Variants in TMEM175 observed in about 807,000 individuals in gnomAD.
TMEM175 encodes the protein endosomal/lysosomal proton channel TMEM175.
Under a neutral mutation model 36.5 loss-of-function variants are expected in TMEM175, and 36 were observed. That is an observed-to-expected ratio of 0.99 (90% CI 0.76 to 1.30). The LOEUF (loss-of-function observed/expected upper bound fraction) is 1.30. TMEM175 is among the 50% of genes most tolerant of loss of function. The pLI is 0.00. For missense variants in TMEM175, 705 were observed against 692.8 expected, an observed-to-expected ratio of 1.02 and a Z score of -0.20; for synonymous variants, 339 against 313.4, an observed-to-expected ratio of 1.08 and a Z score of -0.86.
In TMEM175 at chr4:957,523, G is replaced by A. The variant is rs548848045; in HGVS notation, c.843-301G>A. On this transcript the variant is annotated intron_variant, in intron 10 of 10. Transcript: ENST00000264771. ...TGCCCAGCAAACACAGGAGAGCCTC[G>A]GCCAGAGAGGGCTGCAGCCCAGGGC... Among the ~76,000 whole-genome samples the A allele has an allele frequency of 2.9e-3, 447 of 152,352 alleles. 2 individuals carry two copies. The highest frequency in any genetic ancestry group is 5.0e-3 in the Non-Finnish European group (339 of 68,034).
intron 1 of TMEM175, among the ~76,000 whole-genome samples, chr4:944,023 T>G (rs1432803701): frequency 6.6e-6 from 1 of 152,210 alleles, no homozygotes; most frequent in Admixed American, 6.5e-5. Flanking sequence ...CTGGGTGCAG[T>G]GGCTCACGCA....
intron 1 of TMEM175, among the ~76,000 whole-genome samples, chr4:938,960 G>T (rs1307184794): frequency 6.6e-6 from 1 of 152,216 alleles, no homozygotes; most frequent in African/African-American, 2.4e-5. Flanking sequence ...ACAAAATTGT[G>T]TGATTTACAT....
At chr4:954,525 G>A (rs893432948) in intron 8 of TMEM175, among the ~76,000 whole-genome samples, 3 of 152,098 alleles carry the variant, frequency 2.0e-5, no homozygotes, top group African/African-American at 4.8e-5. Context: ...TGTAGCTGCC[G>A]TGAGTGGCGC....
At position 955,882 on chromosome 4, in the gene TMEM175, G is replaced by A. The variant is rs1334830905; in HGVS notation, c.834G>A (p.Leu278=). The A allele has an allele frequency of 7.4e-6, 12 of 1,613,620 alleles. No homozygotes were observed. Among genetic ancestry groups the A allele is most frequent in the Non-Finnish European group, 1.0e-5 (12 of 1,179,650 alleles). The change falls in exon 10 of 11, where the codon CTG becomes CTA. Residue 278 remains leucine (L), a synonymous_variant. Transcript: ENST00000264771. The part of the protein sequence containing the change: ...VYAIVATLLI[L]DICEDNVPDP... ...CCATCGTGGCCACGCTTCTCATCCT[G>A]GACATCTGGTGAGGACCCCGCGTCA...
intron 7 of TMEM175, 131 bp downstream of exon 7, chr4:952,581 G>GTGTA: frequency 1.1e-6 from 1 of 878,490 alleles, no homozygotes; most frequent in Non-Finnish European, 1.8e-6. Flanking sequence ...GTGTGTGTGT[G>GTGTA]TGTGTGTGTG....
At chr4:942,350 C>T (rs143137502) in intron 1 of TMEM175, among the ~76,000 whole-genome samples, 330 of 152,294 alleles carry the variant, frequency 2.2e-3, no homozygotes, top group African/African-American at 7.7e-3. Context: ...TGGGCATGAG[C>T]CACCATGCCC....
intron 9 of TMEM175, 84 bp downstream of exon 9, chr4:955,567 T>C (rs1729507142): frequency 6.7e-7 from 1 of 1,500,674 alleles, no homozygotes; most frequent in African/African-American, 1.4e-5. Flanking sequence ...GGGCTGTCCG[T>C]GGGCCGAGGC....
chr4:939,710 C>T (rs192446543), intron 1 of TMEM175, among the ~76,000 whole-genome samples: 79 of 151,946 alleles, frequency 5.2e-4, no homozygotes, highest in African/African-American at 1.4e-3. Context: ...AGTGAGACTC[C>T]GCCTCAAAAA....
Position 958,475 on chromosome 4 carries a change from G to C in TMEM175, c.1494G>C (p.Gln498His). The C allele has an allele frequency of 6.4e-7, 1 of 1,554,724 alleles. No individual in the cohort carries two copies. Among genetic ancestry groups the C allele is most frequent in the East Asian group, 2.3e-5 (1 of 42,898 alleles). Reference protein sequence around the residue: ...APTGQDDPQSQLLPAPC With the variant: ...APTGQDDPQSHLLPAPC ...CGGGCCAGGACGACCCACAGTCCCA[G>C]CTCCTCCCTGCCCCCTGCTAGCAGC... is the stretch of plus-strand genomic sequence containing the variant. Residue 498 changes from glutamine to histidine, a missense_variant, in exon 11 of 11, where the codon CAG becomes CAC. Transcript: ENST00000264771.
At chr4:942,166 C>A (rs995257505) in intron 1 of TMEM175, among the ~76,000 whole-genome samples, 1 of 151,768 alleles carries the variant, frequency 6.6e-6, no homozygotes, top group Non-Finnish European at 1.5e-5. Context: ...TCAAGCGATT[C>A]TCCTGCCTCA....
chr4:948,753 G>T (rs1311355658), intron 3 of TMEM175: 8 of 1,014,538 alleles, frequency 7.9e-6, no homozygotes, highest in East Asian at 6.1e-5. Flanking sequence ...CTCATGACAG[G>T]GTCGTGCGGC....
In TMEM175 at chr4:958,352, C is replaced by T. The variant is rs773278796; in HGVS notation, c.1371C>T (p.Cys457=). ...IFHLMQIAVP[C]AFLLLRLLVG... ...ACCTCATGCAGATCGCCGTGCCCTG[C>T]GCCTTCCTGTTGCTGCGCCTGCTCG... The change falls in exon 11 of 11, where the codon TGC becomes TGT. Residue 457 remains cysteine (C), a synonymous_variant. Coordinates refer to ENST00000264771, the MANE Select transcript of TMEM175 (RefSeq NM_032326.4). 1.7e-5 allele frequency: 28 copies of T among 1,603,814 alleles called. No homozygotes were observed. The highest frequency in any genetic ancestry group is 1.3e-4 in the East Asian group (6 of 44,878).
chr4:957,914 G>A lies in TMEM175; in HGVS notation c.933G>A (p.Leu311=), dbSNP rs1371575391. 4 of 1,612,766 alleles carry A rather than the reference G, an allele frequency of 2.5e-6. No individual in the cohort carries two copies. The highest frequency in any genetic ancestry group is 3.4e-6 in the Non-Finnish European group (4 of 1,179,982). The change falls in exon 11 of 11, where the codon CTG becomes CTA. Residue 311 remains leucine (L), a synonymous_variant. Transcript: ENST00000264771. Reference sequence around the variant, plus strand: ...TGAGTGCGACCGGGCCGCGCTTCCTGGCGTACTTCGGCTCCTTCGCCACAG... The same window carrying A: ...TGAGTGCGACCGGGCCGCGCTTCCTAGCGTACTTCGGCTCCTTCGCCACAG... ...AALSATGPRF[L]AYFGSFATVG...
intron 5 of TMEM175, 74 bp from the exon 6 acceptor site, chr4:951,608 G>C: frequency 6.2e-7 from 1 of 1,601,848 alleles, no homozygotes; most frequent in African/African-American, 1.3e-5. Context: ...GTGCCTTCCC[G>C]GAGTGGGCTC....
chr4:952,412 TTGTTC>T lies in TMEM175; in HGVS notation c.428_432del (p.Phe143CysfsTer107), dbSNP rs1560492356. On this transcript the variant is annotated frameshift_variant, in exon 7 of 11. Transcript: ENST00000264771. LOFTEE classifies it high-confidence loss of function. The stretch of plus-strand genomic sequence containing the variant: ...CCCTGATGTGCCTCTGGGCATCTTC[TTGTTC>T]TGTGTGTGTGTGATCGCCATTGGGG... The T allele has an allele frequency of 6.2e-7, 1 of 1,611,692 alleles. No individual in the cohort carries two copies.
chr4:953,859 T>C (rs1377744097), intron 8 of TMEM175, among the ~76,000 whole-genome samples: 1 of 152,140 alleles, frequency 6.6e-6, no homozygotes, highest in Non-Finnish European at 1.5e-5. Context: ...GTAGTTTTGG[T>C]ATTTTTTGTG....
rs1711587403 is a variant in TMEM175 at position 958,636 on chromosome 4, G to A, written c.*140G>A. 2.9e-6 allele frequency: 2 copies of A among 695,834 alleles called. No individual in the cohort carries two copies. The highest frequency in any genetic ancestry group is 4.6e-6 in the Non-Finnish European group (2 of 431,872). The allele number at this position is 695,834 out of a possible 1,614,324, so 43.1% of individuals were successfully genotyped here. On this transcript the variant is annotated 3_prime_UTR_variant, in exon 11 of 11. Coordinates refer to ENST00000264771, the MANE Select transcript of TMEM175 (RefSeq NM_032326.4). Reference sequence around the variant, plus strand: ...TTTTATTTTCATTGTGAAATATCATGCTCTTATTTCAGTCCTCAAATTGTT... The same window carrying A: ...TTTTATTTTCATTGTGAAATATCATACTCTTATTTCAGTCCTCAAATTGTT...
intron 1 of TMEM175, among the ~76,000 whole-genome samples, chr4:940,475 G>C (rs886666309): frequency 6.8e-6 from 1 of 146,694 alleles, no homozygotes; most frequent in East Asian, 2.0e-4. Flanking sequence ...AAAAGCAGTA[G>C]TTGCTAGGGG....
Position 951,265 on chromosome 4 carries a change from A to G in TMEM175, c.342+7A>G. 1.2e-6 allele frequency: 2 copies of G among 1,613,956 alleles called. No homozygotes were observed. The highest frequency in any genetic ancestry group is 2.7e-5 in the African/African-American group (2 of 74,952). ...ACTTGCCCTGCTCAACCTGGTGAGT[A>G]TTTTCCGGTCCTTTTCTGGGGAGTG... On this transcript the variant is annotated splice_region_variant and intron_variant, in intron 5 of 10. Coordinates refer to ENST00000264771, the MANE Select transcript of TMEM175 (RefSeq NM_032326.4).
Sources: gnomAD v4.1 joint callset for allele counts (sites outside exome capture counted in the v4.1 genomes callset) on GRCh38, gnomAD v4.1.1 for gene constraint, MANE v1.5 for transcripts, NCBI Gene and HGNC (gene_info 2026-07-23, HGNC 2026-07-21) for gene names.